SETBP1: variants seen among roughly 807,000 people sequenced by gnomAD.
The protein encoded by SETBP1 is SET-binding protein.
Under a neutral mutation model 101.0 loss-of-function variants are expected in SETBP1, and 9 were observed. The observed-to-expected ratio is 0.09, with a 90% CI of 0.05 to 0.16. The LOEUF (loss-of-function observed/expected upper bound fraction) is 0.16. Ranked by LOEUF, SETBP1 falls within the 10% of genes least tolerant of loss-of-function variation. The pLI is 1.00. For missense variants in SETBP1, 1,858 were observed against 2,033.8 expected (o/e 0.91, Z 1.66); for synonymous variants, 818 against 788.5 (o/e 1.04, Z -0.63).
At chr18:44,821,954 G>A (rs1390321793) in intron 2 of SETBP1, among the ~76,000 whole-genome samples, 1 of 152,198 alleles carries the variant, frequency 6.6e-6, no homozygotes, top group South Asian at 2.1e-4. Context: ...TGCTGCTGGA[G>A]CAGGAAGGCA....
At chr18:44,930,290 T>G (rs1158136739) in intron 3 of SETBP1, among the ~76,000 whole-genome samples, 2 of 152,332 alleles carry the variant, frequency 1.3e-5, no homozygotes, top group African/African-American at 4.8e-5. Flanking sequence ...TGAAGCCAAC[T>G]TGATCGTGGT....
chr18:44,788,790 A>ATTTT (rs34929410), intron 2 of SETBP1, among the ~76,000 whole-genome samples: 19 of 80,416 alleles, frequency 2.4e-4, no homozygotes, highest in East Asian at 7.2e-4. Flanking sequence ...TTCCTTTTTA[A>ATTTT]TTTTTTTTTT....
chr18:44,826,019 A>G (rs2072230699), intron 2 of SETBP1, among the ~76,000 whole-genome samples: 1 of 152,240 alleles, frequency 6.6e-6, no homozygotes, highest in East Asian at 1.9e-4. Flanking sequence ...AACGACTTGC[A>G]TAATACCTGG....
At chr18:44,926,758 AAACAAACAAC>A (rs891071629) in intron 3 of SETBP1, among the ~76,000 whole-genome samples, 6 of 149,886 alleles carry the variant, frequency 4.0e-5, no homozygotes, top group Admixed American at 1.3e-4. Flanking sequence ...ACAAACAAAC[AAACAAACAAC>A]AACAACAACA....
At chr18:44,876,572 A>G in intron 3 of SETBP1, 1 of 1,549,402 alleles carries the variant, frequency 6.5e-7, no homozygotes, top group Non-Finnish European at 8.7e-7. Flanking sequence ...TAGATTAAAG[A>G]CTCCAGTAAG....
At chr18:45,045,920 C>T (rs1479372320) in intron 5 of SETBP1, among the ~76,000 whole-genome samples, 1 of 152,086 alleles carries the variant, frequency 6.6e-6, no homozygotes, top group Admixed American at 6.5e-5. Context: ...GCCCACCTCT[C>T]ATGCCCTTTG....
chr18:44,783,829 T>C (rs1599121523), intron 2 of SETBP1, among the ~76,000 whole-genome samples: 1 of 152,252 alleles, frequency 6.6e-6, no homozygotes, highest in Non-Finnish European at 1.5e-5. Context: ...GGCCTGGATG[T>C]TGAGACTTCA....
intron 2 of SETBP1, among the ~76,000 whole-genome samples, chr18:44,840,525 C>A (rs1181216173): frequency 6.6e-6 from 1 of 152,176 alleles, no homozygotes; most frequent in Admixed American, 6.5e-5. Context: ...CAAGATTCAT[C>A]CTTATGGTAA....
chr18:44,944,163 A>G (rs960810573), intron 3 of SETBP1, among the ~76,000 whole-genome samples: 17 of 152,244 alleles, frequency 1.1e-4, no homozygotes, highest in African/African-American at 3.9e-4. Flanking sequence ...CACTCAAATC[A>G]TTGATTCTTC....
intron 2 of SETBP1, among the ~76,000 whole-genome samples, chr18:44,788,327 A>G (rs1941601344): frequency 6.6e-6 from 1 of 152,200 alleles, no homozygotes; most frequent in South Asian, 2.1e-4. Context: ...CAATGACTTC[A>G]GGAGACAGGA....
intron 2 of SETBP1, among the ~76,000 whole-genome samples, chr18:44,763,012 C>CT (rs2070691408): frequency 6.6e-6 from 1 of 152,174 alleles, no homozygotes; most frequent in South Asian, 2.1e-4. Context: ...GAGGCAAACA[C>CT]TAATATGTAT....
At chr18:44,903,897 C>G (rs1568209473) in intron 3 of SETBP1, among the ~76,000 whole-genome samples, 1 of 152,096 alleles carries the variant, frequency 6.6e-6, no homozygotes, top group Non-Finnish European at 1.5e-5. Flanking sequence ...ATTTGATAGT[C>G]TGATGTTGTT....
At chr18:44,907,013 A>G (rs1053986306) in intron 3 of SETBP1, among the ~76,000 whole-genome samples, 1 of 152,192 alleles carries the variant, frequency 6.6e-6, no homozygotes, top group East Asian at 1.9e-4. Flanking sequence ...ACCCATTAGC[A>G]GTTACACCCC....
At chr18:44,681,891 T>A (rs564770725) in intron 1 of SETBP1, among the ~76,000 whole-genome samples, 1 of 151,810 alleles carries the variant, frequency 6.6e-6, no homozygotes, top group East Asian at 2.0e-4. Flanking sequence ...GAAACTCTCC[T>A]CCAAAAGGGC....
chr18:44,988,394 A>G (rs933152974), intron 4 of SETBP1: 2 of 152,210 alleles, frequency 1.3e-5, no homozygotes, highest in African/African-American at 2.4e-5. Context: ...AAAATAATAT[A>G]AAAGGTTTCT....
At chr18:44,687,801 T>A (rs1428082127) in intron 1 of SETBP1, among the ~76,000 whole-genome samples, 1 of 152,028 alleles carries the variant, frequency 6.6e-6, no homozygotes, top group Non-Finnish European at 1.5e-5. Context: ...TGGATGTCAT[T>A]TCTCCATGTA....
intron 2 of SETBP1, among the ~76,000 whole-genome samples, chr18:44,845,067 G>T (rs1428415833): frequency 6.6e-6 from 1 of 152,164 alleles, no homozygotes; most frequent in Non-Finnish European, 1.5e-5. Flanking sequence ...ACAAAAGAGT[G>T]ATATGTGGCT....
intron 2 of SETBP1, among the ~76,000 whole-genome samples, chr18:44,738,657 C>A (rs2070029436): frequency 6.6e-6 from 1 of 151,958 alleles, no homozygotes; most frequent in South Asian, 2.1e-4. Flanking sequence ...GCCTGGAATG[C>A]CAGCTCCTCA....
chr18:44,835,631 A>G (rs1264160394), intron 2 of SETBP1, among the ~76,000 whole-genome samples: 1 of 152,208 alleles, frequency 6.6e-6, no homozygotes, highest in African/African-American at 2.4e-5. Context: ...ATCTCATTTT[A>G]GAGTTTAGGG....
Sources: allele counts gnomAD v4.1 joint callset (sites outside exome capture counted in the v4.1 genomes callset), GRCh38; gene constraint gnomAD v4.1.1; transcripts MANE v1.5; gene names NCBI Gene and HGNC (gene_info 2026-07-23, HGNC 2026-07-21).